Variants in HACL1 observed in about 807,000 individuals in gnomAD.
HACL1 encodes the protein 2-hydroxyacyl-CoA lyase 1.
A neutral mutation model predicts 74.2 loss-of-function variants in HACL1; 64 were observed. The observed-to-expected ratio is 0.86, with a 90% CI of 0.70 to 1.06. The LOEUF is 1.06. HACL1 is among the 50% of genes least tolerant of loss of function. The pLI is 0.00. For synonymous variants in HACL1, 230 were observed against 238.8 expected, an observed-to-expected ratio of 0.96 and a Z score of 0.34; for missense variants, 728 against 719.7, an observed-to-expected ratio of 1.01 and a Z score of -0.13.
intron 8 of HACL1, among the ~76,000 whole-genome samples, chr3:15,580,764 ACCT>A (rs1435521215): frequency 6.6e-6 from 1 of 151,480 alleles, no homozygotes; most frequent in African/African-American, 2.4e-5. Context: ...TCTCCAGTAA[ACCT>A]CCTCTACACA....
rs571578517 is a variant in HACL1 at position 15,569,269 on chromosome 3, A to AATT, written c.1096-684_1096-683insAAT. ...CTTTGTTCTGCTGGAGATTATACAC[A>AATT]AGGTAAAGAGGGACCCTCCTATACT... On this transcript the variant is annotated intron_variant, in intron 12 of 16. Coordinates refer to ENST00000321169, the MANE Select transcript of HACL1 (RefSeq NM_012260.4). 1.6e-3 allele frequency among the ~76,000 whole-genome samples: 239 copies of AATT among 152,260 alleles called. 1 individual carries two copies. Among genetic ancestry groups the AATT allele is most frequent in the African/African-American group, 5.3e-3 (222 of 41,552 alleles).
At chr3:15,563,581 C>T (rs2063382950) in intron 15 of HACL1, 37 bp from the exon 16 acceptor site, 2 of 1,348,830 alleles carry the variant, frequency 1.5e-6, no homozygotes, top group Non-Finnish European at 2.1e-6. Flanking sequence ...AAATTTAAAT[C>T]TTAAACCTTG....
At chr3:15,571,091 A>G (rs542531172) in intron 12 of HACL1, among the ~76,000 whole-genome samples, 1 of 151,388 alleles carries the variant, frequency 6.6e-6, no homozygotes, top group African/African-American at 2.4e-5. Flanking sequence ...CAATCCTCCA[A>G]CCTCAGCCTC....
At chr3:15,594,349 T>TGAGCC (rs2064018461) in intron 3 of HACL1, among the ~76,000 whole-genome samples, 1 of 152,094 alleles carries the variant, frequency 6.6e-6, no homozygotes, top group Non-Finnish European at 1.5e-5. Context: ...GAGTTTGCAG[T>TGAGCC]GAGCCGAGAT....
At chr3:15,568,244 T>A (rs370929188) in intron 13 of HACL1, among the ~76,000 whole-genome samples, 188 bp downstream of exon 13, 2 of 152,368 alleles carry the variant, frequency 1.3e-5, no homozygotes, top group South Asian at 2.1e-4. Flanking sequence ...TAAACAATTA[T>A]CATGATACCA....
At chr3:15,567,732 T>G in intron 14 of HACL1, 112 bp downstream of exon 14, 1 of 954,320 alleles carries the variant, frequency 1.0e-6, no homozygotes. Context: ...CACAGTGCTG[T>G]GCACAGGGCA....
At chr3:15,591,505 A>C (rs1277497685) in intron 4 of HACL1, 95 bp downstream of exon 4, 2 of 639,454 alleles carry the variant, frequency 3.1e-6, no homozygotes, top group African/African-American at 3.8e-5. Context: ...TTTTTTTTCC[A>C]AGTCTTTCTA....
intron 4 of HACL1, among the ~76,000 whole-genome samples, chr3:15,590,829 C>T (rs1264502416): frequency 6.6e-6 from 1 of 152,146 alleles, no homozygotes; most frequent in African/African-American, 2.4e-5. Flanking sequence ...GCCTGTAATC[C>T]CAGCACTTTG....
At chr3:15,597,185 A>G (rs1330106461) in intron 2 of HACL1, among the ~76,000 whole-genome samples, 1 of 151,824 alleles carries the variant, frequency 6.6e-6, no homozygotes, top group African/African-American at 2.4e-5. Context: ...AAGTTTATTC[A>G]TTTTGTTAAT....
At chr3:15,583,638 C>CT (rs562864590) in intron 7 of HACL1, among the ~76,000 whole-genome samples, 137 of 143,792 alleles carry the variant, frequency 9.5e-4, no homozygotes, top group Admixed American at 2.2e-3. Flanking sequence ...CCACATTTCT[C>CT]TTTTTTTTTT....
At chr3:15,599,161 AC>A (rs1314637247) in intron 2 of HACL1, among the ~76,000 whole-genome samples, 3 of 152,076 alleles carry the variant, frequency 2.0e-5, no homozygotes, top group Non-Finnish European at 4.4e-5. Flanking sequence ...AGCACTTACC[AC>A]CTTATAATAC....
intron 15 of HACL1, 50 bp from the exon 16 acceptor site, chr3:15,563,594 GAAAA>G (rs751408852): frequency 8.3e-7 from 1 of 1,203,140 alleles, no homozygotes; most frequent in Non-Finnish European, 1.2e-6. Context: ...AAACCTTGTA[GAAAA>G]AAAGTCATTC....
intron 15 of HACL1, among the ~76,000 whole-genome samples, chr3:15,563,987 T>C (rs556517029): frequency 6.6e-6 from 1 of 152,272 alleles, no homozygotes; most frequent in African/African-American, 2.4e-5. Context: ...AAAAAAAGAT[T>C]ACTGCAAAAC....
intron 12 of HACL1, among the ~76,000 whole-genome samples, chr3:15,571,202 A>G (rs1237411878): frequency 6.6e-6 from 1 of 151,402 alleles, no homozygotes; most frequent in African/African-American, 2.4e-5. Context: ...CTCAAACTCC[A>G]GGCCTCAATT....
intron 4 of HACL1, 34 bp downstream of exon 4, chr3:15,591,566 A>C: frequency 1.5e-6 from 2 of 1,311,950 alleles, no homozygotes; most frequent in Non-Finnish European, 2.2e-6. Flanking sequence ...TGACCTTTTT[A>C]AGAAAATGTT....
At chr3:15,599,179 C>G (rs2125298492) in intron 2 of HACL1, among the ~76,000 whole-genome samples, 1 of 152,358 alleles carries the variant, frequency 6.6e-6, no homozygotes, top group South Asian at 2.1e-4. Context: ...ATACAATTGT[C>G]TGTGTCTGTC....
rs752598573 is a variant in HACL1, at chr3:15,564,600, C to T, written c.1468G>A (p.Asp490Asn). ...AACATTTCTTTCCAAGTATCTGTATCAAAACCTTGGTAAATTCCATTGTTA... is the reference window on the plus strand; with the variant it reads ...AACATTTCTTTCCAAGTATCTGTATTAAAACCTTGGTAAATTCCATTGTTA... ...VNNNGIYQGFDTDTWKEMLKF... is the reference protein window; with the variant it reads ...VNNNGIYQGFNTDTWKEMLKF... The change falls in exon 15 of 17, where the codon GAT (aspartate) becomes AAT (asparagine). Residue 490 changes from aspartate (D) to asparagine (N), a missense_variant. Asp to Asn is a conservative substitution (Grantham distance 23, BLOSUM62 1). Coordinates refer to ENST00000321169, the MANE Select transcript of HACL1 (RefSeq NM_012260.4). 4 of 1,582,210 alleles carry T rather than the reference C, an allele frequency of 2.5e-6. No individual in the cohort carries two copies. The highest frequency in any genetic ancestry group is 3.5e-6 in the Non-Finnish European group (4 of 1,153,610).
intron 11 of HACL1, 117 bp downstream of exon 11, chr3:15,573,042 T>G (rs2063563217): frequency 3.2e-6 from 2 of 619,142 alleles, no homozygotes; most frequent in Admixed American, 2.9e-5. Flanking sequence ...TCATACATTT[T>G]GTTTAAAACA....
At chr3:15,571,491 T>G (rs1424765132) in intron 12 of HACL1, among the ~76,000 whole-genome samples, 177 bp downstream of exon 12, 1 of 152,206 alleles carries the variant, frequency 6.6e-6, no homozygotes, top group Non-Finnish European at 1.5e-5. Flanking sequence ...TATTTTTATG[T>G]TACACAAAGT....
Sources: allele counts gnomAD v4.1 joint callset (sites outside exome capture counted in the v4.1 genomes callset), GRCh38; gene constraint gnomAD v4.1.1; transcripts MANE v1.5; gene names NCBI Gene and HGNC (gene_info 2026-07-23, HGNC 2026-07-21).